The following GNA12 variants were observed in gnomAD, a reference collection of about 807,000 sequenced individuals.
The protein encoded by GNA12 is guanine nucleotide-binding protein subunit alpha-12.
GNA12 carries 9 observed loss-of-function variants against 26.0 expected under a neutral mutation model. That is an observed-to-expected ratio of 0.35 (90% confidence interval 0.21 to 0.60). The LOEUF (loss-of-function observed/expected upper bound fraction) is 0.60, where lower values mean the gene tolerates loss of function less well. Among genes scored for constraint, GNA12 ranks in the 20% least tolerant of loss-of-function variants. The pLI is 0.78. For missense variants in GNA12, 405 were observed against 525.8 expected, an observed-to-expected ratio of 0.77 and a Z score of 2.25; for synonymous variants, 264 against 219.6, an observed-to-expected ratio of 1.20 and a Z score of -1.79.
intron 1 of GNA12, chr7:2,814,282 G>A (rs1562442165): frequency 8.8e-7 from 1 of 1,131,140 alleles, no homozygotes; most frequent in Admixed American, 1.7e-5. Flanking sequence ...GGAGATCTGT[G>A]GCCGAGGAGT....
chr7:2,750,647 C>T (rs74370523), intron 2 of GNA12, among the ~76,000 whole-genome samples: 1,742 of 152,322 alleles, frequency 0.011, 35 homozygotes, highest in African/African-American at 0.039. Context: ...TTTTGGACCA[C>T]GGTTGACTGC....
intron 2 of GNA12, among the ~76,000 whole-genome samples, chr7:2,787,314 G>A (rs1792387154): frequency 1.3e-5 from 2 of 152,096 alleles, no homozygotes; most frequent in Admixed American, 1.3e-4. Context: ...GGCTACCAAC[G>A]CAATCCTATT....
At chr7:2,746,712 A>T (rs1002756792) in intron 2 of GNA12, among the ~76,000 whole-genome samples, 2 of 151,838 alleles carry the variant, frequency 1.3e-5, no homozygotes, top group Non-Finnish European at 2.9e-5. Flanking sequence ...ACCCTTCAAA[A>T]AATTAATGAA....
At chr7:2,737,691 G>A (rs1412871534) in intron 2 of GNA12, among the ~76,000 whole-genome samples, 1 of 152,162 alleles carries the variant, frequency 6.6e-6, no homozygotes. Context: ...TGAGCTAGAG[G>A]ATTCCAAAAT....
In GNA12 at chr7:2,731,291, G is replaced by C. The variant is rs773974899; in HGVS notation, c.1036C>G (p.Leu346Val). The C allele has an allele frequency of 2.5e-6, 4 of 1,612,110 alleles. No homozygotes were observed. In the African/African-American group the frequency reaches 5.4e-5, roughly 22 times the overall value. Reference sequence around the variant, plus strand: ...ATGGCGGTGGTGAAGTGGTGGAAGAGTGGCTTGCTGCGGTTCCGTCTCTTC... The same window carrying C: ...ATGGCGGTGGTGAAGTGGTGGAAGACTGGCTTGCTGCGGTTCCGTCTCTTC... The part of the protein sequence containing the change: ...DRKRRNRSKP[L>V]FHHFTTAIDT... The change falls in exon 4 of 4, where the codon CTC becomes GTC. Residue 346 changes from leucine (L) to valine (V), a missense_variant. Physicochemically the swap from Leu to Val is conservative, Grantham distance 32. Coordinates refer to ENST00000275364, the MANE Select transcript of GNA12 (RefSeq NM_007353.3). The surrounding 1 kb of genome is among the most constrained non-coding windows in gnomAD (Gnocchi z 6.0).
chr7:2,795,546 T>C (rs995599535), intron 1 of GNA12, among the ~76,000 whole-genome samples: 3 of 150,152 alleles, frequency 2.0e-5, no homozygotes, highest in African/African-American at 7.4e-5. Flanking sequence ...GAGGATTGCT[T>C]GAGCCCAGGA....
chr7:2,835,151 C>T lies in GNA12; in HGVS notation c.309+8702G>A, dbSNP rs138629391. On this transcript the variant is annotated intron_variant, in intron 1 of 3. Coordinates refer to ENST00000275364, the MANE Select transcript of GNA12 (RefSeq NM_007353.3). ...TGGATGTGAAATTTAGTAATGAAAACGCTCTTGGGATTTAACGCATCACAC... is the reference window on the plus strand; with the variant it reads ...TGGATGTGAAATTTAGTAATGAAAATGCTCTTGGGATTTAACGCATCACAC... Among the ~76,000 whole-genome samples the T allele has an allele frequency of 1.8e-4, 28 of 152,198 alleles. No individual in the cohort carries two copies. The East Asian group carries it at 5.0e-3, about 27-fold the overall frequency.
chr7:2,824,881 G>A (rs1009686018), intron 1 of GNA12, among the ~76,000 whole-genome samples: 1 of 152,198 alleles, frequency 6.6e-6, no homozygotes, highest in Non-Finnish European at 1.5e-5. Flanking sequence ...AATAGAATCT[G>A]CATTTGAACA....
intron 2 of GNA12, among the ~76,000 whole-genome samples, chr7:2,769,836 C>T (rs191393556): frequency 1.3e-5 from 2 of 152,124 alleles, no homozygotes; most frequent in African/African-American, 4.8e-5. Flanking sequence ...GTTTAAGATA[C>T]CCACTTCTTT....
At chr7:2,811,964 C>T (rs374990883) in intron 1 of GNA12, among the ~76,000 whole-genome samples, 7 of 152,316 alleles carry the variant, frequency 4.6e-5, no homozygotes, top group East Asian at 3.9e-4. Flanking sequence ...CACAGAGCAG[C>T]GCTTATTTGT....
intron 2 of GNA12, among the ~76,000 whole-genome samples, chr7:2,775,017 A>G (rs1451437070): frequency 6.6e-6 from 1 of 152,240 alleles, no homozygotes; most frequent in Non-Finnish European, 1.5e-5. Flanking sequence ...TGGCTTAAAG[A>G]GTTAAACAAT....
At chr7:2,814,401 C>T (rs1793165562) in intron 1 of GNA12, 7 of 1,502,406 alleles carry the variant, frequency 4.7e-6, no homozygotes, top group Non-Finnish European at 6.5e-6. Flanking sequence ...TGCAAGTCAA[C>T]ATTTAAGAAT....
intron 1 of GNA12, among the ~76,000 whole-genome samples, chr7:2,807,497 G>T (rs1792977488): frequency 6.6e-6 from 1 of 151,652 alleles, no homozygotes; most frequent in South Asian, 2.1e-4. Context: ...AGAGAGCCTT[G>T]AATTTGATGG....
At chr7:2,776,325 AAGAAC>A (rs1239935859) in intron 2 of GNA12, among the ~76,000 whole-genome samples, 9 of 152,188 alleles carry the variant, frequency 5.9e-5, no homozygotes, top group African/African-American at 2.2e-4. Flanking sequence ...GTGCTATAGA[AAGAAC>A]AGAACAGAAG....
intron 1 of GNA12, among the ~76,000 whole-genome samples, chr7:2,795,851 C>G (rs1259540925): frequency 1.4e-5 from 2 of 146,334 alleles, no homozygotes; most frequent in Non-Finnish European, 3.0e-5. Flanking sequence ...TGGAGTTTCA[C>G]TCTTTTTGCC....
chr7:2,761,584 AT>A (rs1194082529), intron 2 of GNA12, among the ~76,000 whole-genome samples: 1 of 152,246 alleles, frequency 6.6e-6, no homozygotes, highest in East Asian at 1.9e-4. Flanking sequence ...AATTCCTAGG[AT>A]ACAAACAGTT....
At chr7:2,837,259 C>A (rs561522923) in intron 1 of GNA12, among the ~76,000 whole-genome samples, 3 of 152,274 alleles carry the variant, frequency 2.0e-5, no homozygotes, top group Admixed American at 1.3e-4. Flanking sequence ...TTTGCTACCC[C>A]CTCCCATTCC....
intron 2 of GNA12, among the ~76,000 whole-genome samples, chr7:2,743,738 G>A (rs1195159169): frequency 6.6e-6 from 1 of 152,206 alleles, no homozygotes; most frequent in Non-Finnish European, 1.5e-5. Context: ...GCCTCACTCG[G>A]GAAGCGCAAG....
chr7:2,744,549 A>T (rs143260602), intron 2 of GNA12, among the ~76,000 whole-genome samples: 4,418 of 152,282 alleles, frequency 0.029, 149 homozygotes, highest in African/African-American at 0.082. Context: ...CAAAGGTAGA[A>T]AAGACCACAA....
Sources: gnomAD v4.1 joint callset for allele counts (sites outside exome capture counted in the v4.1 genomes callset) on GRCh38, gnomAD v4.1.1 for gene constraint, Gnocchi (gnomAD v3.1) non-coding constraint, MANE v1.5 for transcripts, NCBI Gene and HGNC (gene_info 2026-07-23, HGNC 2026-07-21) for gene names.